Variants in NRG3 observed in about 807,000 individuals in gnomAD.
NRG3 encodes neuregulin 3.
Under a neutral mutation model 66.9 loss-of-function variants are expected in NRG3, and 31 were observed. The observed-to-expected ratio is 0.46, with a 90% CI of 0.35 to 0.63. The LOEUF is 0.63. NRG3 is among the 20% of genes least tolerant of loss of function. The pLI is 0.00. For missense variants in NRG3, 910 were observed against 878.9 expected (o/e 1.04, Z -0.45); for synonymous variants, 393 against 359.4 (o/e 1.09, Z -1.06).
At chr10:82,384,950 G>A (rs2085880656) in intron 2 of NRG3, among the ~76,000 whole-genome samples, 1 of 151,942 alleles carries the variant, frequency 6.6e-6, no homozygotes, top group African/African-American at 2.4e-5. Flanking sequence ...GTTGTTTTTT[G>A]CCTTCTTAAT....
At chr10:82,183,078 A>G (rs1425504678) in intron 1 of NRG3, among the ~76,000 whole-genome samples, 3 of 151,888 alleles carry the variant, frequency 2.0e-5, no homozygotes, top group Non-Finnish European at 2.9e-5. Context: ...CAGTTAGATT[A>G]TATGTGTCAG....
chr10:82,783,714 A>G (rs2060218265), intron 3 of NRG3, among the ~76,000 whole-genome samples: 1 of 152,198 alleles, frequency 6.6e-6, no homozygotes, highest in Non-Finnish European at 1.5e-5. Flanking sequence ...AAGAGGATAC[A>G]AACAAATGGA....
At chr10:82,603,793 A>T (rs1278627349) in intron 2 of NRG3, among the ~76,000 whole-genome samples, 1 of 152,188 alleles carries the variant, frequency 6.6e-6, no homozygotes, top group Non-Finnish European at 1.5e-5. Flanking sequence ...GATAAAATAG[A>T]TAAAAATAAA....
rs187765090 is a variant in NRG3, at chr10:82,569,008, C to T, written c.954-169569C>T. ...CATGTCAGGTTCTCAAGTTCAAATG[C>T]CCTAAATTTCCATTCCTGATATCAA... On this transcript the variant is annotated intron_variant, in intron 2 of 8. Coordinates refer to ENST00000372141, the MANE Select transcript of NRG3 (RefSeq NM_001010848.4). Among the ~76,000 whole-genome samples, 21 of 151,822 alleles carry T rather than the reference C, an allele frequency of 1.4e-4. No individual in the cohort carries two copies. The East Asian group carries it at 3.5e-3, about 25-fold the overall frequency.
chr10:82,617,731 G>A (rs1029063216), intron 2 of NRG3, among the ~76,000 whole-genome samples: 2 of 152,102 alleles, frequency 1.3e-5, no homozygotes, highest in African/African-American at 2.4e-5. Context: ...GTGTGGGGCC[G>A]TAGTGGAAGC....
At chr10:82,501,209 C>T (rs1276816578) in intron 2 of NRG3, among the ~76,000 whole-genome samples, 1 of 152,048 alleles carries the variant, frequency 6.6e-6, no homozygotes, top group Non-Finnish European at 1.5e-5. Context: ...GGGTGGAAAT[C>T]TAAGCACGGC....
chr10:82,019,163 C>T (rs904487584), intron 1 of NRG3, among the ~76,000 whole-genome samples: 4 of 152,130 alleles, frequency 2.6e-5, no homozygotes, highest in Admixed American at 2.6e-4. Context: ...TGAATTTTGT[C>T]AGAGGCCTTT....
chr10:82,343,966 C>T (rs1006022668), intron 1 of NRG3, among the ~76,000 whole-genome samples: 4 of 152,182 alleles, frequency 2.6e-5, no homozygotes, highest in South Asian at 4.2e-4. Context: ...ACATCACATC[C>T]ATACATACTT....
Position 82,894,360 on chromosome 10 carries a change from G to T in NRG3, c.1054+28923G>T, listed in dbSNP as rs139229494. ...AGCCTAGCATATATTTTTTTTAGATGAGGAAAAACTGTTAGGCAAAGTTTT... is the reference window on the plus strand; with the variant it reads ...AGCCTAGCATATATTTTTTTTAGATTAGGAAAAACTGTTAGGCAAAGTTTT... On this transcript the variant is annotated intron_variant, in intron 4 of 8. Transcript: ENST00000372141. 1.8e-3 allele frequency among the ~76,000 whole-genome samples: 269 copies of T among 152,148 alleles called. 1 individual carries two copies. Among genetic ancestry groups the T allele is most frequent in the African/African-American group, 6.0e-3 (250 of 41,532 alleles).
intron 1 of NRG3, among the ~76,000 whole-genome samples, chr10:82,007,829 C>T (rs573543481): frequency 6.6e-5 from 10 of 152,056 alleles, no homozygotes; most frequent in African/African-American, 2.4e-4. Flanking sequence ...CACCTGTTAT[C>T]GTGAATGACA....
chr10:81,914,019 A>T (rs1284151077), intron 1 of NRG3, among the ~76,000 whole-genome samples: 1 of 152,170 alleles, frequency 6.6e-6, no homozygotes, highest in Non-Finnish European at 1.5e-5. Context: ...ACACTCTCTA[A>T]GGCGGGCAGC....
chr10:82,317,780 G>T (rs149891950), intron 1 of NRG3, among the ~76,000 whole-genome samples: 11 of 152,280 alleles, frequency 7.2e-5, no homozygotes, highest in Admixed American at 7.2e-4. Context: ...AGTTAAGGAC[G>T]GATCCTGGGA....
chr10:82,126,202 AC>A (rs1194073813), intron 1 of NRG3, among the ~76,000 whole-genome samples: 2 of 152,126 alleles, frequency 1.3e-5, no homozygotes, highest in African/African-American at 4.8e-5. Flanking sequence ...AATGATCGAT[AC>A]CTTAGATAAT....
intron 1 of NRG3, among the ~76,000 whole-genome samples, chr10:81,954,733 T>A (rs1849667933): frequency 6.6e-6 from 1 of 152,072 alleles, no homozygotes. Flanking sequence ...TTGTAGACAT[T>A]TGTTCTAGAC....
At chr10:82,146,620 A>G (rs1290694535) in intron 1 of NRG3, among the ~76,000 whole-genome samples, 2 of 152,106 alleles carry the variant, frequency 1.3e-5, no homozygotes, top group Non-Finnish European at 2.9e-5. Context: ...GTGGTCCAAT[A>G]ATAATATTGA....
chr10:81,927,061 T>C (rs913722207), intron 1 of NRG3, among the ~76,000 whole-genome samples: 21 of 152,212 alleles, frequency 1.4e-4, no homozygotes, highest in Non-Finnish European at 2.8e-4. Flanking sequence ...TGGATCATTG[T>C]GCTCCCTGTT....
intron 1 of NRG3, among the ~76,000 whole-genome samples, chr10:81,896,806 A>G (rs930308321): frequency 6.6e-6 from 1 of 152,132 alleles, no homozygotes; most frequent in Non-Finnish European, 1.5e-5. Flanking sequence ...AAGATCCTTC[A>G]TTCGTCAACT....
chr10:82,063,129 T>G (rs956328398), intron 1 of NRG3, among the ~76,000 whole-genome samples: 1 of 152,156 alleles, frequency 6.6e-6, no homozygotes, highest in Non-Finnish European at 1.5e-5. Flanking sequence ...ATCCCAGGAG[T>G]CCCCTCCACC....
chr10:82,553,974 C>T (rs1590644639), intron 2 of NRG3, among the ~76,000 whole-genome samples: 1 of 152,076 alleles, frequency 6.6e-6, no homozygotes, highest in South Asian at 2.1e-4. Context: ...CCTCAAATAA[C>T]AACACAGATT....
Sources: allele counts gnomAD v4.1 joint callset (sites outside exome capture counted in the v4.1 genomes callset), GRCh38; gene constraint gnomAD v4.1.1; transcripts MANE v1.5; gene names NCBI Gene and HGNC (gene_info 2026-07-23, HGNC 2026-07-21).